The following THSD7B variants were observed in gnomAD, a reference collection of about 807,000 sequenced individuals.
THSD7B encodes thrombospondin type-1 domain-containing protein 7B.
In THSD7B, 138 loss-of-function variants were observed where a neutral mutation model predicts 213.6. That is an observed-to-expected ratio of 0.65 (90% CI 0.56 to 0.74). THSD7B has a LOEUF of 0.74. Among genes scored for constraint, THSD7B ranks in the 30% least tolerant of loss-of-function variants. The pLI is 0.00. For synonymous variants in THSD7B, 742 were observed against 687.0 expected (o/e 1.08, Z -1.25); for missense variants, 1,931 against 1,991.5 (o/e 0.97, Z 0.58).
chr2:137,091,881 G>C (rs953908023), intron 3 of THSD7B, among the ~76,000 whole-genome samples: 1 of 152,024 alleles, frequency 6.6e-6, no homozygotes, highest in Non-Finnish European at 1.5e-5. Context: ...GAAACTTCTC[G>C]TCGACTTACA....
intron 12 of THSD7B, among the ~76,000 whole-genome samples, chr2:137,368,216 G>A (rs1685463921): frequency 6.6e-6 from 1 of 151,702 alleles, no homozygotes; most frequent in African/African-American, 2.4e-5. Flanking sequence ...TGGACTTTGG[G>A]TATATGAAAG....
chr2:136,869,852 T>A (rs1218962031), intron 1 of THSD7B, among the ~76,000 whole-genome samples: 2 of 152,132 alleles, frequency 1.3e-5, no homozygotes, highest in African/African-American at 4.8e-5. Context: ...GGCGGAAAGA[T>A]CATGAGGTCA....
chr2:137,271,572 A>G (rs978896051), intron 10 of THSD7B, among the ~76,000 whole-genome samples: 1 of 150,690 alleles, frequency 6.6e-6, no homozygotes, highest in Non-Finnish European at 1.5e-5. Flanking sequence ...TGTCTCCTTC[A>G]TGATCCCTCT....
intron 3 of THSD7B, among the ~76,000 whole-genome samples, chr2:137,066,383 G>A (rs1362015449): frequency 1.3e-5 from 2 of 151,688 alleles, no homozygotes; most frequent in South Asian, 2.1e-4. Context: ...TAGTAGAGAC[G>A]GGGTTTCACC....
At chr2:136,958,934 G>T (rs549067064) in intron 2 of THSD7B, among the ~76,000 whole-genome samples, 8 of 152,264 alleles carry the variant, frequency 5.3e-5, no homozygotes, top group Non-Finnish European at 1.0e-4. Flanking sequence ...AGAATGTGGC[G>T]GGGGAGGATT....
intron 15 of THSD7B, among the ~76,000 whole-genome samples, chr2:137,460,726 C>G (rs140752813): frequency 6.6e-6 from 1 of 152,080 alleles, no homozygotes; most frequent in African/African-American, 2.4e-5. Context: ...GGAGTGCAGA[C>G]AGAAAGGCAC....
intron 2 of THSD7B, among the ~76,000 whole-genome samples, chr2:137,002,384 C>A (rs1380772406): frequency 6.6e-6 from 1 of 151,992 alleles, no homozygotes; most frequent in Non-Finnish European, 1.5e-5. Context: ...ATTATGAGAT[C>A]CTTCAGGAGC....
intron 11 of THSD7B, among the ~76,000 whole-genome samples, chr2:137,274,119 G>A (rs1682815992): frequency 1.3e-5 from 2 of 151,980 alleles, no homozygotes; most frequent in South Asian, 2.1e-4. Context: ...GGATCATTGT[G>A]CCATTTTTCC....
intron 7 of THSD7B, among the ~76,000 whole-genome samples, chr2:137,199,083 C>T (rs113350171): frequency 0.015 from 2,318 of 152,264 alleles, 30 homozygotes; most frequent in Non-Finnish European, 0.021. Context: ...TGTGTGTGAT[C>T]TGCAGTATAA....
chr2:137,491,862 C>A (rs1382480147), intron 15 of THSD7B, among the ~76,000 whole-genome samples: 2 of 152,150 alleles, frequency 1.3e-5, no homozygotes, highest in Non-Finnish European at 2.9e-5. Flanking sequence ...TGTATAGCTC[C>A]ATCAGTTTCT....
intron 3 of THSD7B, among the ~76,000 whole-genome samples, chr2:137,058,759 A>G (rs1687214450): frequency 6.6e-6 from 1 of 152,164 alleles, no homozygotes. Context: ...TGCAGTTCTC[A>G]TAGATGGGAT....
intron 9 of THSD7B, among the ~76,000 whole-genome samples, chr2:137,233,504 G>C (rs1445501098): frequency 2.0e-5 from 3 of 152,106 alleles, no homozygotes; most frequent in Non-Finnish European, 2.9e-5. Flanking sequence ...TTGAAATATA[G>C]GGTTGTGTCT....
intron 26 of THSD7B, among the ~76,000 whole-genome samples, chr2:137,667,538 G>C (rs186460849): frequency 2.6e-5 from 4 of 152,060 alleles, no homozygotes; most frequent in Non-Finnish European, 5.9e-5. Context: ...TAGGAAACCC[G>C]TATTCCTATG....
intron 12 of THSD7B, among the ~76,000 whole-genome samples, chr2:137,335,210 A>G (rs1034164545): frequency 3.3e-5 from 5 of 152,204 alleles, no homozygotes; most frequent in Non-Finnish European, 7.3e-5. Flanking sequence ...AGCTTTTACA[A>G]TACAACCATT....
At chr2:137,139,046 A>G (rs1679527799) in intron 5 of THSD7B, among the ~76,000 whole-genome samples, 2 of 152,114 alleles carry the variant, frequency 1.3e-5, no homozygotes, top group Admixed American at 6.6e-5. Context: ...TTTCTGTTCT[A>G]TCACTCAACA....
At chr2:136,807,027 C>T (rs745806902) in intron 1 of THSD7B, among the ~76,000 whole-genome samples, 1 of 152,202 alleles carries the variant, frequency 6.6e-6, no homozygotes, top group Non-Finnish European at 1.5e-5. Context: ...CACAACATAT[C>T]AAGGGCGTTT....
rs1224147467 is a variant in THSD7B, at chr2:137,211,331, T to TACACAC, written c.1724-19684_1724-19679dup. The stretch of plus-strand genomic sequence containing the variant: ...TCTATTCAACAGACTCTATCCTTCC[T>TACACAC]ACACACACACACACACACACACACA... On this transcript the variant is annotated intron_variant, in intron 7 of 27. Coordinates refer to ENST00000409968, the MANE Select transcript of THSD7B (RefSeq NM_001316349.2). Among the ~76,000 whole-genome samples the TACACAC allele has an allele frequency of 1.4e-3, 9 of 6,288 alleles. No homozygotes were observed. The South Asian group carries it at 0.051, about 36-fold the overall frequency. The allele number at this position is 6,288 out of a possible 152,430, so 4.1% of individuals were successfully genotyped here.
chr2:137,317,500 T>G (rs1225612580), intron 12 of THSD7B, among the ~76,000 whole-genome samples: 2 of 152,218 alleles, frequency 1.3e-5, no homozygotes, highest in Non-Finnish European at 2.9e-5. Context: ...AGCATTCTAA[T>G]CAAATTATCT....
intron 12 of THSD7B, among the ~76,000 whole-genome samples, chr2:137,353,424 C>T (rs1270552125): frequency 1.3e-5 from 2 of 152,090 alleles, no homozygotes; most frequent in Non-Finnish European, 2.9e-5. Context: ...ATCCTAGCTT[C>T]CCCGTGTATC....
Sources: gnomAD v4.1 joint callset for allele counts (sites outside exome capture counted in the v4.1 genomes callset) on GRCh38, gnomAD v4.1.1 for gene constraint, MANE v1.5 for transcripts, NCBI Gene and HGNC (gene_info 2026-07-23, HGNC 2026-07-21) for gene names.